Variants in SLC49A4 observed in about 807,000 individuals in gnomAD.
The protein encoded by SLC49A4 is disrupted in renal cancer protein 2.
A neutral mutation model predicts 50.6 loss-of-function variants in SLC49A4; 36 were observed. The observed-to-expected ratio is 0.71, with a 90% CI of 0.55 to 0.94. The LOEUF (loss-of-function observed/expected upper bound fraction) is 0.94. Ranked by LOEUF, SLC49A4 falls within the 40% of genes least tolerant of loss-of-function variation. The probability of loss-of-function intolerance (pLI) is 0.00; values close to 1 mark genes in which losing one functional copy is unlikely to be tolerated. For missense variants in SLC49A4, 503 were observed against 605.7 expected, an observed-to-expected ratio of 0.83 and a Z score of 1.78; for synonymous variants, 248 against 241.2, an observed-to-expected ratio of 1.03 and a Z score of -0.26.
At chr3:122,838,047 G>A (rs1936715004) in intron 4 of SLC49A4, among the ~76,000 whole-genome samples, 1 of 151,640 alleles carries the variant, frequency 6.6e-6, no homozygotes, top group African/African-American at 2.4e-5. Flanking sequence ...TCATTAAAAA[G>A]TCAGGAAACA....
intron 2 of SLC49A4, among the ~76,000 whole-genome samples, chr3:122,810,392 A>G (rs967878814): frequency 6.6e-6 from 1 of 152,214 alleles, no homozygotes; most frequent in African/African-American, 2.4e-5. Flanking sequence ...GAACAAAATA[A>G]TACCCCAAAA....
intron 2 of SLC49A4, among the ~76,000 whole-genome samples, chr3:122,808,954 G>A (rs994310599): frequency 1.3e-5 from 2 of 152,166 alleles, no homozygotes; most frequent in Admixed American, 6.5e-5. Flanking sequence ...GGAAGTTGGG[G>A]GAATGGAAAG....
intron 2 of SLC49A4, among the ~76,000 whole-genome samples, chr3:122,824,436 T>G (rs1936494938): frequency 6.6e-6 from 1 of 152,172 alleles, no homozygotes; most frequent in African/African-American, 2.4e-5. Context: ...GACTCTTAGG[T>G]CAGACTCTGC....
At chr3:122,861,809 A>G (rs1024739188) in intron 7 of SLC49A4, among the ~76,000 whole-genome samples, 3 of 152,242 alleles carry the variant, frequency 2.0e-5, no homozygotes, top group Admixed American at 2.0e-4. Context: ...GCACCAAGCC[A>G]GCCACCCTGG....
chr3:122,842,371 A>G (rs1016337947), intron 4 of SLC49A4, among the ~76,000 whole-genome samples: 1 of 151,182 alleles, frequency 6.6e-6, no homozygotes, highest in Non-Finnish European at 1.5e-5. Flanking sequence ...CTGTAGTCCC[A>G]GCTACTCGGG....
Position 122,813,420 on chromosome 3 carries a change from T to C in SLC49A4, c.437+6470T>C, listed in dbSNP as rs910216636. Among the ~76,000 whole-genome samples the C allele has an allele frequency of 2.6e-5, 4 of 152,144 alleles. No individual in the cohort carries two copies. The East Asian group carries it at 7.7e-4, about 29-fold the overall frequency. Reference sequence around the variant, plus strand: ...GTTCGGTACATCATACAGAGAAGTATATACAACATACATGTGTATCATCAG... The same window carrying C: ...GTTCGGTACATCATACAGAGAAGTACATACAACATACATGTGTATCATCAG... On this transcript the variant is annotated intron_variant, in intron 2 of 8. Coordinates refer to ENST00000261038, the MANE Select transcript of SLC49A4 (RefSeq NM_032839.3).
intron 2 of SLC49A4, among the ~76,000 whole-genome samples, chr3:122,823,927 C>G (rs186096720): frequency 7.9e-4 from 121 of 152,288 alleles, no homozygotes; most frequent in Middle Eastern, 6.8e-3. Context: ...CCCAGGACAA[C>G]AGTGCTTATG....
At chr3:122,854,960 G>A (rs1936966573) in intron 5 of SLC49A4, among the ~76,000 whole-genome samples, 1 of 152,152 alleles carries the variant, frequency 6.6e-6, no homozygotes, top group African/African-American at 2.4e-5. Flanking sequence ...GGGCGTGGTG[G>A]CGGGCGCCTG....
At chr3:122,844,880 T>G (rs1936827130) in intron 4 of SLC49A4, among the ~76,000 whole-genome samples, 1 of 152,036 alleles carries the variant, frequency 6.6e-6, no homozygotes, top group African/African-American at 2.4e-5. Context: ...AGAATATATA[T>G]ATATATATAC....
At chr3:122,828,406 C>T (rs972489970) in intron 3 of SLC49A4, among the ~76,000 whole-genome samples, 4 of 152,042 alleles carry the variant, frequency 2.6e-5, no homozygotes, top group Non-Finnish European at 5.9e-5. Context: ...AATGAGAGAA[C>T]GATGGTTAAA....
intron 2 of SLC49A4, among the ~76,000 whole-genome samples, chr3:122,814,423 T>G (rs1043818909): frequency 2.0e-5 from 3 of 152,026 alleles, no homozygotes; most frequent in African/African-American, 7.2e-5. Context: ...GTGTTGCAAA[T>G]ATAATAGATA....
rs1936474934 is a variant in SLC49A4, at chr3:122,822,956, A to G, written c.438-3844A>G. On this transcript the variant is annotated intron_variant, in intron 2 of 8. Transcript: ENST00000261038. ...TATCACCTTAACGGTTCTCCAGACCATCCGCCCTCCACCTCCCCACTGTGT... is the reference window on the plus strand; with the variant it reads ...TATCACCTTAACGGTTCTCCAGACCGTCCGCCCTCCACCTCCCCACTGTGT... Among the ~76,000 whole-genome samples the G allele has an allele frequency of 2.0e-5, 3 of 152,114 alleles. No individual in the cohort carries two copies. In the South Asian group the frequency reaches 6.2e-4, roughly 31 times the overall value.
rs1200082646 is a variant in SLC49A4, at chr3:122,881,027, G to A, written c.*1649G>A. ...TCTTTATAAACACTCTGCTCACTTA[G>A]CAGAAGGACTGAAGGAACTAAGGAA... On this transcript the variant is annotated 3_prime_UTR_variant, in exon 9 of 9. Transcript: ENST00000261038. 1.3e-5 allele frequency: 2 copies of A among 152,090 alleles called. No homozygotes were observed. Among genetic ancestry groups the A allele is most frequent in the Admixed American group, 6.6e-5 (1 of 15,260 alleles). 9.4% of individuals were successfully genotyped at this position (152,090 alleles called of 1,614,324 possible). A position where few individuals can be genotyped will look rare whatever the true frequency, so the allele number is the denominator to read the frequency against.
rs914908868 is a variant in SLC49A4, at chr3:122,845,963, C to G, written c.942+92C>G. 1.3e-5 allele frequency: 11 copies of G among 837,130 alleles called. No homozygotes were observed. In the South Asian group the frequency reaches 2.2e-4, roughly 16 times the overall value. 51.9% of individuals were successfully genotyped at this position (837,130 alleles called of 1,614,324 possible). A position where few individuals can be genotyped will look rare whatever the true frequency, so the allele number is the denominator to read the frequency against. The stretch of plus-strand genomic sequence containing the variant: ...GTGTTCTTGGTTTTAGCTTCAAGGA[C>G]TGGGTAAAACATCGTCCTATACCAT... On this transcript the variant is annotated intron_variant, in intron 5 of 8. Coordinates refer to ENST00000261038, the MANE Select transcript of SLC49A4 (RefSeq NM_032839.3).
intron 7 of SLC49A4, among the ~76,000 whole-genome samples, chr3:122,862,940 A>C (rs1937074749): frequency 6.6e-6 from 1 of 152,228 alleles, no homozygotes; most frequent in South Asian, 2.1e-4. Flanking sequence ...AAATCTTAAA[A>C]TTGATGTGAT....
At chr3:122,837,282 G>A (rs192443512) in intron 4 of SLC49A4, among the ~76,000 whole-genome samples, 4 of 152,256 alleles carry the variant, frequency 2.6e-5, no homozygotes, top group African/African-American at 9.6e-5. Flanking sequence ...GAACAAAGCT[G>A]GAGGCATCAT....
At chr3:122,807,837 A>G (rs988472773) in intron 2 of SLC49A4, among the ~76,000 whole-genome samples, 1 of 152,242 alleles carries the variant, frequency 6.6e-6, no homozygotes, top group Non-Finnish European at 1.5e-5. Flanking sequence ...TCTTGATGCC[A>G]TCCTGTATTA....
chr3:122,802,346 C>T lies in SLC49A4; in HGVS notation c.344-4511C>T, dbSNP rs370118367. On this transcript the variant is annotated intron_variant, in intron 1 of 8. Transcript: ENST00000261038. ...CAGCAGTTTTCCTGAATTGAGGAGA[C>T]GGAGGTGAGAATTCAAAGAGGCCAA... is the stretch of plus-strand genomic sequence containing the variant. Among the ~76,000 whole-genome samples, 68 of 152,060 alleles carry T rather than the reference C, an allele frequency of 4.5e-4. No individual in the cohort carries two copies. The East Asian group carries it at 0.011, about 25-fold the overall frequency.
chr3:122,869,743 G>A (rs1937170374), intron 7 of SLC49A4, among the ~76,000 whole-genome samples: 1 of 152,072 alleles, frequency 6.6e-6, no homozygotes, highest in African/African-American at 2.4e-5. Flanking sequence ...CATCTTCCAA[G>A]TTCCTCCCAG....
Sources: allele counts gnomAD v4.1 joint callset (sites outside exome capture counted in the v4.1 genomes callset), GRCh38; gene constraint gnomAD v4.1.1; transcripts MANE v1.5; gene names NCBI Gene and HGNC (gene_info 2026-07-23, HGNC 2026-07-21).